The following DOK5 variants were observed in gnomAD, a reference collection of about 807,000 sequenced individuals.
The protein encoded by DOK5 is downstream of tyrosine kinase 5.
A neutral mutation model predicts 43.3 loss-of-function variants in DOK5; 27 were observed. The ratio of observed to expected loss-of-function variants is 0.62; its 90% CI spans 0.46 to 0.86. The LOEUF is 0.86. DOK5 is among the 40% of genes least tolerant of loss of function. The pLI is 0.00. For synonymous variants in DOK5, 146 were observed against 140.1 expected (o/e 1.04, Z -0.30); for missense variants, 373 against 392.9 (o/e 0.95, Z 0.43).
At chr20:54,553,334 G>T (rs539710725) in intron 1 of DOK5, among the ~76,000 whole-genome samples, 9 of 151,930 alleles carry the variant, frequency 5.9e-5, no homozygotes, top group Non-Finnish European at 1.0e-4. Flanking sequence ...TAGCTGGGAC[G>T]GCAGGTGCCC....
chr20:54,536,205 AGGG>A (rs1983957370), intron 1 of DOK5, among the ~76,000 whole-genome samples: 3 of 152,190 alleles, frequency 2.0e-5, no homozygotes, highest in Admixed American at 6.5e-5. Flanking sequence ...GTGGAGGCCT[AGGG>A]GGTGCTTTAG....
chr20:54,540,284 G>A (rs755515785), intron 1 of DOK5, among the ~76,000 whole-genome samples: 9 of 152,118 alleles, frequency 5.9e-5, no homozygotes, highest in Admixed American at 1.3e-4. Flanking sequence ...TTGTCCCTAC[G>A]TAATAGAAAG....
At chr20:54,589,294 C>G (rs1030081756) in intron 4 of DOK5, among the ~76,000 whole-genome samples, 1 of 151,988 alleles carries the variant, frequency 6.6e-6, no homozygotes, top group Non-Finnish European at 1.5e-5. Context: ...TTTGGTCATG[C>G]CTTTTTCACT....
intron 1 of DOK5, among the ~76,000 whole-genome samples, chr20:54,488,541 A>C (rs116730796): frequency 0.012 from 1,851 of 151,922 alleles, 38 homozygotes; most frequent in African/African-American, 0.042. Context: ...TTCTATATAC[A>C]TTTTTTTCTT....
chr20:54,594,729 T>A (rs1986085098), intron 5 of DOK5, among the ~76,000 whole-genome samples: 1 of 152,178 alleles, frequency 6.6e-6, no homozygotes, highest in Non-Finnish European at 1.5e-5. Context: ...AAGTATAGCT[T>A]TTTATGGTAA....
chr20:54,650,413 A>T lies in DOK5; in HGVS notation c.857-2A>T. ...GTTGATTTTAAATTCTTTTTGGAAA[A>T]GATGTTTCCAGCCCTCTGAAGCTTC... On this transcript the variant is annotated splice_acceptor_variant, in intron 7 of 7. Coordinates refer to ENST00000262593, the MANE Select transcript of DOK5 (RefSeq NM_018431.5). LOFTEE classifies it high-confidence loss of function. 1 of 1,613,788 alleles carries T rather than the reference A, an allele frequency of 6.2e-7. No homozygotes were observed. Among genetic ancestry groups the T allele is most frequent in the Non-Finnish European group, 8.5e-7 (1 of 1,179,882 alleles).
At chr20:54,630,669 C>T (rs1340324039) in intron 6 of DOK5, among the ~76,000 whole-genome samples, 1 of 152,158 alleles carries the variant, frequency 6.6e-6, no homozygotes, top group Non-Finnish European at 1.5e-5. Flanking sequence ...TTTCATATCA[C>T]TGCACAAAGA....
chr20:54,480,547 C>A (rs894405774), intron 1 of DOK5, among the ~76,000 whole-genome samples: 1 of 152,198 alleles, frequency 6.6e-6, no homozygotes, highest in African/African-American at 2.4e-5. Context: ...AACCAGCAGC[C>A]CTCGGGGCTG....
At chr20:54,509,364 A>G (rs1434446977) in intron 1 of DOK5, among the ~76,000 whole-genome samples, 4 of 151,226 alleles carry the variant, frequency 2.6e-5, no homozygotes, top group Non-Finnish European at 5.9e-5. Context: ...TTAATTTTAC[A>G]ATTTTTTTGT....
rs113910108 is a variant in DOK5, at chr20:54,648,732, G to A, written c.857-1683G>A. Among the ~76,000 whole-genome samples the A allele has an allele frequency of 1.1e-4, 16 of 152,298 alleles. 1 individual carries two copies. The highest frequency in any genetic ancestry group is 3.8e-4 in the African/African-American group (16 of 41,572). ...GAGGGGAAGCATTAGAGGGTCCTCA[G>A]CATGGCAGTGTCAGATTTAATCGAT... On this transcript the variant is annotated intron_variant, in intron 7 of 7. Transcript: ENST00000262593.
intron 2 of DOK5, among the ~76,000 whole-genome samples, chr20:54,565,804 C>T (rs948033215): frequency 7.9e-5 from 12 of 152,186 alleles, no homozygotes; most frequent in East Asian, 3.9e-4. Context: ...AGGCGGATCA[C>T]GAGGTCAGGA....
intron 6 of DOK5, among the ~76,000 whole-genome samples, chr20:54,639,632 A>G (rs2146826342): frequency 6.6e-6 from 1 of 152,194 alleles, no homozygotes; most frequent in South Asian, 2.1e-4. Flanking sequence ...GTAAAAAAAA[A>G]ACTATATAAA....
intron 1 of DOK5, among the ~76,000 whole-genome samples, chr20:54,540,494 T>A (rs1568773980): frequency 6.6e-6 from 1 of 152,160 alleles, no homozygotes; most frequent in South Asian, 2.1e-4. Context: ...GTTTGCTATA[T>A]ACCAAGCAAT....
At position 54,555,045 on chromosome 20, in the gene DOK5, G is replaced by A; in HGVS notation, c.174+5G>A. 6.3e-7 allele frequency: 1 copy of A among 1,588,236 alleles called. No homozygotes were observed. Among genetic ancestry groups the A allele is most frequent in the South Asian group, 1.1e-5 (1 of 90,546 alleles). Reference sequence around the variant, plus strand: ...TATTTCAGGTGTTATCATAAGGTAAGACTCAATTGCTGTAGCTTTCCAGTA... The same window carrying A: ...TATTTCAGGTGTTATCATAAGGTAAAACTCAATTGCTGTAGCTTTCCAGTA... On this transcript the variant is annotated splice_donor_5th_base_variant and intron_variant, in intron 2 of 7. Transcript: ENST00000262593.
chr20:54,576,521 G>C (rs1364211122), intron 2 of DOK5, among the ~76,000 whole-genome samples: 1 of 152,220 alleles, frequency 6.6e-6, no homozygotes, highest in Non-Finnish European at 1.5e-5. Flanking sequence ...TAATGACCAG[G>C]AAGGGGTGGA....
intron 1 of DOK5, among the ~76,000 whole-genome samples, chr20:54,504,525 A>G (rs1168579730): frequency 6.6e-6 from 1 of 152,210 alleles, no homozygotes; most frequent in African/African-American, 2.4e-5. Flanking sequence ...GACATGAAAA[A>G]TGAGTATCTT....
chr20:54,532,081 T>C (rs1309502863), intron 1 of DOK5, among the ~76,000 whole-genome samples: 1 of 152,192 alleles, frequency 6.6e-6, no homozygotes, highest in East Asian at 1.9e-4. Flanking sequence ...TATAGACAAA[T>C]ACCCTCCACC....
intron 1 of DOK5, among the ~76,000 whole-genome samples, chr20:54,534,819 GTTTCTTTCTTTCTTTCTTTC>G: frequency 6.6e-6 from 1 of 150,570 alleles, no homozygotes; most frequent in East Asian, 2.0e-4. Context: ...TTGAAAGCAT[GTTTCTTTCTTTCTTTCTTTC>G]TTTCTTTCTT....
chr20:54,567,152 A>C (rs1359520536), intron 2 of DOK5, among the ~76,000 whole-genome samples: 3 of 152,136 alleles, frequency 2.0e-5, no homozygotes, highest in African/African-American at 7.2e-5. Context: ...CCCTCTTAAC[A>C]GGATCTTTTC....
Sources: allele counts gnomAD v4.1 joint callset (sites outside exome capture counted in the v4.1 genomes callset), GRCh38; gene constraint gnomAD v4.1.1; transcripts MANE v1.5; gene names NCBI Gene and HGNC (gene_info 2026-07-23, HGNC 2026-07-21).